PLB1: variants seen among roughly 807,000 people sequenced by gnomAD.
PLB1 encodes the protein phospholipase B1, membrane-associated.
Under a neutral mutation model 227.4 loss-of-function variants are expected in PLB1, and 242 were observed. The observed-to-expected ratio is 1.06, with a 90% CI of 0.96 to 1.18. PLB1 has a LOEUF of 1.18. Ranked by LOEUF, PLB1 falls within the 50% of genes most tolerant of loss-of-function variation. The pLI, the probability that PLB1 is intolerant of heterozygous loss-of-function variation, is 0.00. For missense variants in PLB1, 1,858 were observed against 1,816.3 expected (o/e 1.02, Z -0.42); for synonymous variants, 757 against 682.2 (o/e 1.11, Z -1.71).
In PLB1 at chr2:28,604,666, C is replaced by A; in HGVS notation, c.2868C>A (p.Arg956=). The change falls in exon 41 of 58, where the codon CGC becomes CGA. Residue 956 remains arginine, a synonymous_variant. Coordinates refer to ENST00000327757, the MANE Select transcript of PLB1 (RefSeq NM_153021.5). ...AFSRAYRSSM[R]ELVGSGRYDT... is the part of the protein sequence containing the mutation. ...GCATGTGTCCCCAGAGCAGCATGCG[C>A]GAGCTGGTGGGGTCAGGCCGCTATG... 1 of 1,613,978 alleles carries A rather than the reference C, an allele frequency of 6.2e-7. No individual in the cohort carries two copies. The highest frequency in any genetic ancestry group is 8.5e-7 in the Non-Finnish European group (1 of 1,179,914).
intron 17 of PLB1, among the ~76,000 whole-genome samples, chr2:28,560,561 G>A (rs1252539177): frequency 6.6e-6 from 1 of 152,190 alleles, no homozygotes; most frequent in African/African-American, 2.4e-5. Context: ...TGGGAGGATC[G>A]CTTGAGCCCA....
chr2:28,583,561 G>A (rs1290101938), intron 25 of PLB1, among the ~76,000 whole-genome samples: 1 of 152,176 alleles, frequency 6.6e-6, no homozygotes, highest in Admixed American at 6.5e-5. Context: ...GTGACAGGTT[G>A]TAGTGAAAAC....
chr2:28,641,281 C>T (rs912023186), intron 57 of PLB1, among the ~76,000 whole-genome samples: 9 of 152,190 alleles, frequency 5.9e-5, no homozygotes, highest in African/African-American at 2.2e-4. Context: ...GTCACCCATT[C>T]CTTCCGAAAG....
Position 28,598,670 on chromosome 2 carries a change from A to G in PLB1, c.2384A>G (p.Asn795Ser). Residue 795 changes from asparagine (N) to serine (S), a missense_variant, in exon 35 of 58, where the codon AAC (asparagine) becomes AGC (serine). Asn to Ser is a conservative substitution (Grantham distance 46). Transcript: ENST00000327757. ...TTLPNILREF[N>S]RNLTGYAVGT... ...CTTCCAGATATCCTTCGGGAGTTTAACAGAAACCTCACAGGCTACGCCGTG... is the reference window on the plus strand; with the variant it reads ...CTTCCAGATATCCTTCGGGAGTTTAGCAGAAACCTCACAGGCTACGCCGTG... 1 of 1,614,074 alleles carries G rather than the reference A, an allele frequency of 6.2e-7. No individual in the cohort carries two copies. The highest frequency in any genetic ancestry group is 8.5e-7 in the Non-Finnish European group (1 of 1,179,904).
At chr2:28,642,826 C>T in intron 57 of PLB1, 32 bp from the exon 58 acceptor site, 2 of 1,534,736 alleles carry the variant, frequency 1.3e-6, no homozygotes, top group South Asian at 2.4e-5. Flanking sequence ...TCACGGAGAT[C>T]CTTTCCACTG....
chr2:28,537,380 TA>T (rs952595770), intron 9 of PLB1, among the ~76,000 whole-genome samples: 1 of 152,242 alleles, frequency 6.6e-6, no homozygotes, highest in Admixed American at 6.5e-5. Flanking sequence ...TTGTAATTTT[TA>T]TTATTTTTCA....
chr2:28,593,169 A>T (rs7355704), intron 32 of PLB1, among the ~76,000 whole-genome samples: 80,978 of 151,874 alleles, frequency 0.53, 22,225 homozygotes, highest in Non-Finnish European at 0.59. Flanking sequence ...AAATGGGGCT[A>T]TTTTACTATC....
chr2:28,601,864 A>G, intron 37 of PLB1, 35 bp from the exon 38 acceptor site: 2 of 1,531,572 alleles, frequency 1.3e-6, no homozygotes, highest in Non-Finnish European at 1.8e-6. Flanking sequence ...CACCCTAACC[A>G]GTTCCTCCTT....
chr2:28,582,080 C>G lies in PLB1; in HGVS notation c.1579C>G (p.Pro527Ala), dbSNP rs147552266. ...DFCNDLVHYSPQNFTDNIGKA... is the reference protein window; with the variant it reads ...DFCNDLVHYSAQNFTDNIGKA... ...CCTCTTCCTGCAGGTCCACTATTCT[C>G]CCCAGAACTTCACAGACAACATTGG... The change falls in exon 24 of 58, where the codon CCC becomes GCC. Residue 527 changes from proline (P) to alanine (A), a missense_variant. By Grantham distance (27) the Pro-to-Ala change is conservative. Transcript: ENST00000327757. 1.4e-4 allele frequency: 233 copies of G among 1,613,786 alleles called. 1 individual carries two copies. In the African/African-American group the frequency reaches 2.8e-3, roughly 19 times the overall value.
At chr2:28,532,338 A>G in intron 9 of PLB1, 144 bp downstream of exon 9, 1 of 542,198 alleles carries the variant, frequency 1.8e-6, no homozygotes, top group Non-Finnish European at 3.3e-6. Flanking sequence ...GGATGGATGG[A>G]TGGATGGATA....
chr2:28,569,725 G>A (rs1677671941), intron 20 of PLB1, among the ~76,000 whole-genome samples: 1 of 152,054 alleles, frequency 6.6e-6, no homozygotes, highest in African/African-American at 2.4e-5. Context: ...CAGCACTTTG[G>A]GAGGCCGAGG....
chr2:28,536,674 A>G (rs139200026), intron 9 of PLB1, among the ~76,000 whole-genome samples: 1 of 152,342 alleles, frequency 6.6e-6, no homozygotes, highest in East Asian at 1.9e-4. Context: ...CAAACGATAC[A>G]CATGGAAATG....
intron 1 of PLB1, among the ~76,000 whole-genome samples, chr2:28,509,004 C>G (rs1173200146): frequency 6.6e-6 from 1 of 152,124 alleles, no homozygotes; most frequent in African/African-American, 2.4e-5. Flanking sequence ...CTTACACAAC[C>G]CTTTCCAGTT....
At chr2:28,508,990 C>G (rs541305251) in intron 1 of PLB1, among the ~76,000 whole-genome samples, 1 of 152,352 alleles carries the variant, frequency 6.6e-6, no homozygotes, top group South Asian at 2.1e-4. Flanking sequence ...ATGGCCCTCT[C>G]TCACTTACAC....
At chr2:28,517,697 C>T (rs1669013138) in intron 2 of PLB1, among the ~76,000 whole-genome samples, 1 of 152,008 alleles carries the variant, frequency 6.6e-6, no homozygotes, top group African/African-American at 2.4e-5. Flanking sequence ...TTGTTTTAGT[C>T]AAGGTATCTT....
At chr2:28,635,638 T>TTAAAC (rs1250296531) in intron 56 of PLB1, among the ~76,000 whole-genome samples, 1 of 123,788 alleles carries the variant, frequency 8.1e-6, no homozygotes, top group African/African-American at 2.6e-5. Context: ...AAAAAGCACC[T>TTAAAC]TAAACTATTT....
intron 56 of PLB1, among the ~76,000 whole-genome samples, chr2:28,636,761 A>G (rs1298634306): frequency 6.6e-6 from 1 of 152,322 alleles, no homozygotes; most frequent in African/African-American, 2.4e-5. Context: ...CTTCAACAAC[A>G]TACAATAATA....
At chr2:28,629,512 C>T (rs1002321151) in intron 53 of PLB1, among the ~76,000 whole-genome samples, 3 of 152,206 alleles carry the variant, frequency 2.0e-5, no homozygotes, top group African/African-American at 7.2e-5. Context: ...GGGCCATGAG[C>T]TTTCAAGGCT....
intron 49 of PLB1, among the ~76,000 whole-genome samples, chr2:28,623,686 G>T (rs778359842): frequency 2.6e-5 from 4 of 152,150 alleles, no homozygotes; most frequent in Admixed American, 6.5e-5. Flanking sequence ...TGCTTTTATG[G>T]CTTCTTCCAT....
Sources: allele counts gnomAD v4.1 joint callset (sites outside exome capture counted in the v4.1 genomes callset), GRCh38; gene constraint gnomAD v4.1.1; transcripts MANE v1.5; gene names NCBI Gene and HGNC (gene_info 2026-07-23, HGNC 2026-07-21).